NRXN2: variants seen among roughly 807,000 people sequenced by gnomAD.
The protein encoded by NRXN2 is neurexin-2-beta.
A neutral mutation model predicts 128.8 loss-of-function variants in NRXN2; 29 were observed. The observed-to-expected ratio is 0.23, with a 90% CI of 0.17 to 0.31. The LOEUF is 0.31. NRXN2 is among the 10% of genes least tolerant of loss of function. The pLI, the probability that NRXN2 is intolerant of heterozygous loss-of-function variation, is 1.00. For synonymous variants in NRXN2, 1,098 were observed against 1,075.2 expected (o/e 1.02, Z -0.41); for missense variants, 1,881 against 2,452.6 (o/e 0.77, Z 4.92).
intron 9 of NRXN2, chr11:64,661,484 T>G: frequency 1.0e-6 from 1 of 969,126 alleles, no homozygotes; most frequent in Non-Finnish European, 1.3e-6. Flanking sequence ...GGTTGGATCA[T>G]TCACTGGGTC....
At chr11:64,696,162 G>A (rs1416466595) in intron 3 of NRXN2, among the ~76,000 whole-genome samples, 2 of 151,492 alleles carry the variant, frequency 1.3e-5, no homozygotes, top group African/African-American at 4.9e-5. Flanking sequence ...TTCCGGAGGA[G>A]ACATGACATC....
At chr11:64,718,819 G>A (rs1378289244) in intron 1 of NRXN2, among the ~76,000 whole-genome samples, 3 of 152,064 alleles carry the variant, frequency 2.0e-5, no homozygotes, top group East Asian at 1.9e-4. Context: ...CCTTCCAGCC[G>A]TGATGATCTG....
At chr11:64,711,544 G>A (rs1454742754) in intron 2 of NRXN2, among the ~76,000 whole-genome samples, 1 of 151,684 alleles carries the variant, frequency 6.6e-6, no homozygotes, top group Non-Finnish European at 1.5e-5. Context: ...GGACCCGCCC[G>A]CACTTCACCA....
At chr11:64,672,220 C>T (rs2135524730) in intron 7 of NRXN2, among the ~76,000 whole-genome samples, 1 of 152,320 alleles carries the variant, frequency 6.6e-6, no homozygotes, top group East Asian at 1.9e-4. Context: ...CTTGGGTGGG[C>T]TCTCAGCCCT....
chr11:64,696,646 G>A (rs1053029792), intron 3 of NRXN2, among the ~76,000 whole-genome samples: 2 of 151,906 alleles, frequency 1.3e-5, no homozygotes, highest in South Asian at 4.2e-4. Flanking sequence ...TGGACATCAC[G>A]AGGAAAAATG....
At chr11:64,698,239 T>C (rs1437786672) in intron 2 of NRXN2, among the ~76,000 whole-genome samples, 2 of 152,146 alleles carry the variant, frequency 1.3e-5, no homozygotes, top group African/African-American at 4.8e-5. Flanking sequence ...CAGGGTTCAC[T>C]AGAGACACAC....
chr11:64,656,130 G>C (rs2048246669), intron 11 of NRXN2: 1 of 152,218 alleles, frequency 6.6e-6, no homozygotes, highest in African/African-American at 2.4e-5. Flanking sequence ...TGGAGACAGT[G>C]GGCCCAAGGC....
chr11:64,645,270 A>C (rs2046467353), intron 17 of NRXN2, among the ~76,000 whole-genome samples: 1 of 152,108 alleles, frequency 6.6e-6, no homozygotes, highest in South Asian at 2.1e-4. Flanking sequence ...AAAGGAAGGG[A>C]AACCGCCTAG....
At position 64,607,088 on chromosome 11, in the gene NRXN2, G is replaced by C; in HGVS notation, c.*108C>G. On this transcript the variant is annotated 3_prime_UTR_variant, in exon 23 of 23. Transcript: ENST00000265459. ...CGTTTCCTCTTCGTAAGAGAAGCCT[G>C]AGGCAGCCAGGGAGAGGGTCCCCAG... 8.2e-7 allele frequency: 1 copy of C among 1,221,066 alleles called. No homozygotes were observed. Among genetic ancestry groups the C allele is most frequent in the East Asian group, 2.4e-5 (1 of 41,832 alleles). The allele number at this position is 1,221,066 out of a possible 1,614,324, so 75.6% of individuals were successfully genotyped here. A position where few individuals can be genotyped will look rare whatever the true frequency, so the allele number is the denominator to read the frequency against.
At position 64,668,470 on chromosome 11, in the gene NRXN2, G is replaced by A. The variant is rs1030107534; in HGVS notation, c.1332C>T (p.Ser444=). 4 of 1,613,946 alleles carry A rather than the reference G, an allele frequency of 2.5e-6. No homozygotes were observed. The highest frequency in any genetic ancestry group is 2.7e-5 in the African/African-American group (2 of 74,948). Residue 444 remains serine, a synonymous_variant, in exon 8 of 23, where the codon AGC becomes AGT. Coordinates refer to ENST00000265459, the MANE Select transcript of NRXN2 (RefSeq NM_015080.4). Reference sequence around the variant, plus strand: ...CCTTGAGGCAGCCCATGAAGTTGTTGCTGACGGGCGAGCCCGGCAGGTCAG... The same window carrying A: ...CCTTGAGGCAGCCCATGAAGTTGTTACTGACGGGCGAGCCCGGCAGGTCAG... ...NTADLPGSPV[S]NNFMGCLKDV...
rs1476745042 is a variant in NRXN2 at position 64,653,730 on chromosome 11, G to A, written c.2390-8C>T. ...AGCCGACGCGCAGGCAGTCTGGGGGGGCCATGGGGCGGGCAGAGGGGAAGG... is the reference window on the plus strand; with the variant it reads ...AGCCGACGCGCAGGCAGTCTGGGGGAGCCATGGGGCGGGCAGAGGGGAAGG... On this transcript the variant is annotated splice_polypyrimidine_tract_variant and splice_region_variant and intron_variant, in intron 11 of 22. Coordinates refer to ENST00000265459, the MANE Select transcript of NRXN2 (RefSeq NM_015080.4). 5.7e-6 allele frequency: 9 copies of A among 1,589,600 alleles called. No homozygotes were observed. In the Admixed American group the frequency reaches 9.0e-5, roughly 16 times the overall value.
intron 2 of NRXN2, among the ~76,000 whole-genome samples, chr11:64,705,146 T>A (rs534846343): frequency 6.6e-6 from 1 of 152,312 alleles, no homozygotes; most frequent in South Asian, 2.1e-4. Context: ...CCAAGGAATT[T>A]AGGGTAGTTA....
intron 9 of NRXN2, among the ~76,000 whole-genome samples, chr11:64,666,569 T>G (rs1205113321): frequency 6.6e-6 from 1 of 151,488 alleles, no homozygotes; most frequent in South Asian, 2.1e-4. Flanking sequence ...GGAAGATATA[T>G]TCTTTTTTCT....
chr11:64,668,628 G>A, intron 7 of NRXN2, 24 bp from the exon 8 acceptor site: 1 of 1,608,326 alleles, frequency 6.2e-7, no homozygotes, highest in African/African-American at 1.3e-5. Context: ...GAGGGAGGGA[G>A]AAAGACAGGA....
chr11:64,721,689 G>C (rs962563020), intron 1 of NRXN2, among the ~76,000 whole-genome samples: 1 of 152,018 alleles, frequency 6.6e-6, no homozygotes, highest in African/African-American at 2.4e-5. Context: ...GAGAAAGTAA[G>C]ACCCTAATGT....
At chr11:64,659,067 G>A (rs1490775351) in intron 11 of NRXN2, among the ~76,000 whole-genome samples, 12 of 152,194 alleles carry the variant, frequency 7.9e-5, no homozygotes, top group Admixed American at 5.2e-4. Flanking sequence ...CTCTCCAGTC[G>A]AGGATTCTAA....
chr11:64,715,973 T>G (rs1385259241), intron 1 of NRXN2, among the ~76,000 whole-genome samples: 3 of 152,046 alleles, frequency 2.0e-5, no homozygotes, highest in African/African-American at 7.2e-5. Flanking sequence ...GGAAGGGGGC[T>G]CCTCAGGCAT....
chr11:64,621,209 A>G (rs907819010), intron 21 of NRXN2, among the ~76,000 whole-genome samples: 2 of 152,114 alleles, frequency 1.3e-5, no homozygotes, highest in South Asian at 2.1e-4. Flanking sequence ...TGGAGGACCC[A>G]GCTCCCTTCT....
intron 17 of NRXN2, among the ~76,000 whole-genome samples, chr11:64,640,886 A>G (rs1376966541): frequency 1.3e-5 from 2 of 152,158 alleles, no homozygotes; most frequent in South Asian, 2.1e-4. Context: ...GCATGGAGCA[A>G]GAATGGGGAG....
Sources: allele counts gnomAD v4.1 joint callset (sites outside exome capture counted in the v4.1 genomes callset), GRCh38; gene constraint gnomAD v4.1.1; transcripts MANE v1.5; gene names NCBI Gene and HGNC (gene_info 2026-07-23, HGNC 2026-07-21).